Variants in MTFR1 observed in about 807,000 individuals in gnomAD.
MTFR1 encodes chondrocyte protein with a poly-proline region.
Under a neutral mutation model 38.8 loss-of-function variants are expected in MTFR1, and 28 were observed. The ratio of observed to expected loss-of-function variants is 0.72; its 90% confidence interval spans 0.53 to 0.99. The LOEUF (loss-of-function observed/expected upper bound fraction) is 0.99. Among genes scored for constraint, MTFR1 ranks in the 50% least tolerant of loss-of-function variants. MTFR1 has a pLI of 0.00. For missense variants in MTFR1, 358 were observed against 395.5 expected (o/e 0.91, Z 0.81); for synonymous variants, 145 against 137.0 (o/e 1.06, Z -0.41).
Position 65,706,985 on chromosome 8 carries a change from AGTTTGTTTTCCTTT to A in MTFR1, c.518-20_518-7del, listed in dbSNP as rs1176309978. 1 of 1,559,964 alleles carries A rather than the reference AGTTTGTTTTCCTTT, an allele frequency of 6.4e-7. No individual in the cohort carries two copies. Among genetic ancestry groups the A allele is most frequent in the Non-Finnish European group, 8.6e-7 (1 of 1,156,406 alleles). On this transcript the variant is annotated splice_polypyrimidine_tract_variant and intron_variant, in intron 5 of 7. Transcript: ENST00000262146. ...TCTTTGCTTAATACCAGTGGGATTA[AGTTTGTTTTCCTTT>A]GTTTCTGTAGGTGACTTAGATTCTA...
intron 1 of MTFR1, among the ~76,000 whole-genome samples, chr8:65,669,550 A>G (rs1804500933): frequency 6.6e-6 from 1 of 151,714 alleles, no homozygotes; most frequent in Non-Finnish European, 1.5e-5. Context: ...TAAATTACAC[A>G]TGAAGGTTTT....
chr8:65,648,771 T>C (rs1487826004), intron 1 of MTFR1, among the ~76,000 whole-genome samples: 1 of 152,212 alleles, frequency 6.6e-6, no homozygotes, highest in Non-Finnish European at 1.5e-5. Context: ...ACATACATTG[T>C]AATGTACATA....
intron 4 of MTFR1, among the ~76,000 whole-genome samples, chr8:65,695,469 G>T (rs1423480147): frequency 6.6e-6 from 1 of 152,074 alleles, no homozygotes; most frequent in Non-Finnish European, 1.5e-5. Flanking sequence ...CAATTCTCCT[G>T]CCTCAGCCTT....
chr8:65,755,486 C>A (rs778731778), intron 3 of MTFR1, among the ~76,000 whole-genome samples: 3 of 152,018 alleles, frequency 2.0e-5, no homozygotes, highest in Non-Finnish European at 4.4e-5. Flanking sequence ...TGAATAATAC[C>A]AATTTAATTT....
intron 3 of MTFR1, chr8:65,745,549 A>C: frequency 1.3e-6 from 1 of 788,572 alleles, no homozygotes. Flanking sequence ...TAGAGAAGTT[A>C]AAGAAAATGT....
chr8:65,723,568 T>C, intron 3 of MTFR1: 2 of 1,584,424 alleles, frequency 1.3e-6, no homozygotes, highest in Middle Eastern at 1.7e-4. Flanking sequence ...ATAGATTCAG[T>C]GTGACGATCG....
chr8:65,670,077 C>G, intron 2 of MTFR1, 59 bp downstream of exon 2: 1 of 1,440,962 alleles, frequency 6.9e-7, no homozygotes, highest in Non-Finnish European at 9.5e-7. Flanking sequence ...AGAATTTTTT[C>G]TGAGAAAATG....
At chr8:65,767,587 C>G (rs1318224987) in intron 3 of MTFR1, among the ~76,000 whole-genome samples, 1 of 152,108 alleles carries the variant, frequency 6.6e-6, no homozygotes, top group Non-Finnish European at 1.5e-5. Context: ...AAGACTCTCC[C>G]CAGAGAGGGT....
chr8:65,676,982 A>G (rs1016781817), intron 2 of MTFR1, among the ~76,000 whole-genome samples: 17 of 139,344 alleles, frequency 1.2e-4, no homozygotes, highest in African/African-American at 4.0e-4. Flanking sequence ...ATGTGCGCGC[A>G]CACACACACA....
At chr8:65,684,713 G>A (rs560646223) in intron 3 of MTFR1, among the ~76,000 whole-genome samples, 3 of 151,786 alleles carry the variant, frequency 2.0e-5, no homozygotes, top group Admixed American at 6.6e-5. Context: ...ATTCAACATC[G>A]GTGTTAAAGT....
intron 5 of MTFR1, 56 bp from the exon 6 acceptor site, chr8:65,706,954 A>G (rs1805796035): frequency 8.6e-6 from 13 of 1,515,642 alleles, no homozygotes; most frequent in South Asian, 4.0e-5. Context: ...TTAAAAACTG[A>G]TATTTTCTTT....
rs1439324995 is a variant in MTFR1 at position 65,707,236 on chromosome 8, A to G, written c.744A>G (p.Val248=). ...AGATCCTTAAAGAGATGAACAGTGT[A>G]AAACTTCGGTCAGTGAAGAGGTGAG... The part of the protein sequence containing the change: ...MLEILKEMNS[V]KLRSVKRSEQ... The change falls in exon 6 of 8, where the codon GTA becomes GTG. Residue 248 remains valine, a synonymous_variant. Transcript: ENST00000262146. 6.2e-7 allele frequency: 1 copy of G among 1,613,992 alleles called. No homozygotes were observed. Among genetic ancestry groups the G allele is most frequent in the Non-Finnish European group, 8.5e-7 (1 of 1,180,012 alleles).
intron 1 of MTFR1, among the ~76,000 whole-genome samples, chr8:65,645,700 C>CT (rs1585734059): frequency 7.5e-6 from 1 of 132,690 alleles, no homozygotes; most frequent in South Asian, 4.0e-4. Context: ...TTTCCCCCCC[C>CT]CCCCCCTTTG....
intron 3 of MTFR1, among the ~76,000 whole-genome samples, chr8:65,767,926 G>C (rs1275058470): frequency 2.6e-5 from 4 of 152,220 alleles, no homozygotes; most frequent in Admixed American, 6.5e-5. Flanking sequence ...TGGTCGGTCA[G>C]AAGTTCCAGA....
chr8:65,769,635 C>T (rs550259020), intron 3 of MTFR1, among the ~76,000 whole-genome samples: 1 of 152,194 alleles, frequency 6.6e-6, no homozygotes, highest in Non-Finnish European at 1.5e-5. Flanking sequence ...GTAGCTCATA[C>T]CTGTAATCCC....
upstream of MTFR1, among the ~76,000 whole-genome samples, chr8:65,644,322 T>C (rs1808888844): frequency 6.6e-6 from 1 of 152,114 alleles, no homozygotes; most frequent in Non-Finnish European, 1.5e-5. Flanking sequence ...GCATAGGCAT[T>C]AGATCTGCCG....
At chr8:65,744,378 C>T (rs1807579450) in intron 3 of MTFR1, among the ~76,000 whole-genome samples, 1 of 152,132 alleles carries the variant, frequency 6.6e-6, no homozygotes, top group Non-Finnish European at 1.5e-5. Context: ...GTTTAGTGGT[C>T]CTCAATTGTA....
At chr8:65,694,384 C>CT (rs1288340399) in intron 4 of MTFR1, among the ~76,000 whole-genome samples, 3 of 151,816 alleles carry the variant, frequency 2.0e-5, no homozygotes, top group Non-Finnish European at 2.9e-5. Context: ...CTATTTTTTA[C>CT]TTTTTTTGTA....
At chr8:65,697,542 G>A (rs1271904183) in intron 4 of MTFR1, among the ~76,000 whole-genome samples, 3 of 152,192 alleles carry the variant, frequency 2.0e-5, no homozygotes, top group African/African-American at 7.2e-5. Context: ...TGGACATCTA[G>A]GTTGATTCCA....
Sources: gnomAD v4.1 joint callset for allele counts (sites outside exome capture counted in the v4.1 genomes callset) on GRCh38, gnomAD v4.1.1 for gene constraint, MANE v1.5 for transcripts, NCBI Gene and HGNC (gene_info 2026-07-23, HGNC 2026-07-21) for gene names.